The following ENDOD1 variants were observed in gnomAD, a reference collection of about 807,000 sequenced individuals.
ENDOD1 encodes the protein endonuclease domain-containing 1 protein.
In ENDOD1, 9 loss-of-function variants were observed where a neutral mutation model predicts 6.5. That is an observed-to-expected ratio of 1.39 (90% CI 0.84 to 2.43). The LOEUF is 2.43. Among genes scored for constraint, ENDOD1 ranks in the 30% most tolerant of loss-of-function variants. ENDOD1 has a pLI of 0.00. For synonymous variants in ENDOD1, 255 were observed against 255.2 expected (o/e 1.00, Z 0.01); for missense variants, 648 against 635.5 (o/e 1.02, Z -0.21).
chr11:95,129,178 G>A lies in ENDOD1; in HGVS notation c.1102G>A (p.Val368Met). 6.2e-7 allele frequency: 1 copy of A among 1,614,148 alleles called. No homozygotes were observed. Among genetic ancestry groups the A allele is most frequent in the Non-Finnish European group, 8.5e-7 (1 of 1,180,022 alleles). ...TTTCCTGTGGTGTGTTACCAAGCAG[G>A]TGATTAATGGCATAGAAAGTTGCCT... ...VYFLWCVTKQ[V>M]INGIESCLYR... is the part of the protein sequence containing the mutation. The change falls in exon 2 of 2, where the codon GTG (valine) becomes ATG (methionine). Residue 368 changes from valine to methionine, a missense_variant. Val to Met is a conservative substitution (Grantham distance 21). Transcript: ENST00000278505.
Position 95,090,221 on chromosome 11 carries a change from G to C in ENDOD1, c.294G>C (p.Glu98Asp). 4 of 1,382,840 alleles carry C rather than the reference G, an allele frequency of 2.9e-6. No individual in the cohort carries two copies. The highest frequency in any genetic ancestry group is 3.8e-6 in the Non-Finnish European group (4 of 1,056,848). The allele number at this position is 1,382,840 out of a possible 1,614,324, so 85.7% of individuals were successfully genotyped here. A position where few individuals can be genotyped will look rare whatever the true frequency, so the allele number is the denominator to read the frequency against. Residue 98 changes from glutamate to aspartate, a missense_variant, in exon 1 of 2, where the codon GAG becomes GAC. Coordinates refer to ENST00000278505, the MANE Select transcript of ENDOD1 (RefSeq NM_015036.3). Reference sequence around the variant, plus strand: ...GCGCCGAGCAGCGATGGCTGGTGGAGCCGCAGGTAAGCGAAGTGGTTCCCG... The same window carrying C: ...GCGCCGAGCAGCGATGGCTGGTGGACCCGCAGGTAAGCGAAGTGGTTCCCG... ...PGGAEQRWLV[E>D]PQIDDPNSNL...
At chr11:95,095,863 A>G (rs978624490) in intron 1 of ENDOD1, among the ~76,000 whole-genome samples, 2 of 152,216 alleles carry the variant, frequency 1.3e-5, no homozygotes, top group Non-Finnish European at 2.9e-5. Flanking sequence ...TTTATTCTCT[A>G]TCACACTATT....
At chr11:95,107,226 C>T (rs1311359534) in intron 1 of ENDOD1, among the ~76,000 whole-genome samples, 2 of 151,124 alleles carry the variant, frequency 1.3e-5, no homozygotes, top group Admixed American at 6.6e-5. Flanking sequence ...CCCAGCTACT[C>T]GGGAGGCTGA....
At chr11:95,103,610 C>T (rs570157211) in intron 1 of ENDOD1, among the ~76,000 whole-genome samples, 4 of 152,270 alleles carry the variant, frequency 2.6e-5, no homozygotes, top group African/African-American at 7.2e-5. Flanking sequence ...GATTGTTAGC[C>T]GCTAAGGGGC....
chr11:95,119,582 C>T (rs1859243067), intron 1 of ENDOD1, among the ~76,000 whole-genome samples: 1 of 152,216 alleles, frequency 6.6e-6, no homozygotes, highest in African/African-American at 2.4e-5. Context: ...ACCCCTGTGG[C>T]CACCACCGCT....
chr11:95,129,832 G>T lies in ENDOD1; in HGVS notation c.*253G>T. The T allele has an allele frequency of 2.2e-6, 1 of 452,914 alleles. No homozygotes were observed. The highest frequency in any genetic ancestry group is 4.0e-6 in the Non-Finnish European group (1 of 250,616). 28.1% of individuals were successfully genotyped at this position (452,914 alleles called of 1,614,324 possible). ...AACTCCCAAGCCACTAATAACTTCA[G>T]TTATGCACTCTAACACAGACGACCA... is the stretch of plus-strand genomic sequence containing the variant. On this transcript the variant is annotated 3_prime_UTR_variant, in exon 2 of 2. Coordinates refer to ENST00000278505, the MANE Select transcript of ENDOD1 (RefSeq NM_015036.3).
rs1555109722 is a variant in ENDOD1, at chr11:95,090,222, C to T, written c.295C>T (p.Pro99Ser). ...CGCCGAGCAGCGATGGCTGGTGGAG[C>T]CGCAGGTAAGCGAAGTGGTTCCCGA... is the stretch of plus-strand genomic sequence containing the variant. ...GGAEQRWLVE[P>S]QIDDPNSNLE... The change falls in exon 1 of 2, where the codon CCG becomes TCG. Residue 99 changes from proline (P) to serine (S), a missense_variant. Transcript: ENST00000278505. The T allele has an allele frequency of 8.7e-6, 12 of 1,381,072 alleles. No homozygotes were observed. Among genetic ancestry groups the T allele is most frequent in the Admixed American group, 5.9e-5 (2 of 33,962 alleles). The allele number at this position is 1,381,072 out of a possible 1,614,324, so 85.6% of individuals were successfully genotyped here. A position where few individuals can be genotyped will look rare whatever the true frequency, so the allele number is the denominator to read the frequency against.
rs146017380 is a variant in ENDOD1 at position 95,112,899 on chromosome 11, A to G, written c.301-15478A>G. Among the ~76,000 whole-genome samples the G allele has an allele frequency of 3.3e-4, 51 of 152,304 alleles. No individual in the cohort carries two copies. In the East Asian group the frequency reaches 8.3e-3, roughly 25 times the overall value. ...AATAGATGGTGACTTTATTGATGCG[A>G]AGGCCCATTTTGAGGCATATGAAAC... On this transcript the variant is annotated intron_variant, in intron 1 of 1. Transcript: ENST00000278505.
rs771571614 is a variant in ENDOD1, at chr11:95,128,520, C to T, written c.444C>T (p.Ser148=). The T allele has an allele frequency of 4.3e-6, 7 of 1,614,112 alleles. No individual in the cohort carries two copies. The East Asian group carries it at 1.3e-4, about 31-fold the overall frequency. The part of the protein sequence containing the change: ...DYQRGQLYPF[S]LSSDVQVATF... ...AAAGAGGACAGCTTTACCCATTCTC[C>T]CTTAGCAGTGATGTCCAGGTGGCCA... Residue 148 remains serine, a synonymous_variant, in exon 2 of 2, where the codon TCC becomes TCT. Transcript: ENST00000278505.
At chr11:95,099,608 C>G (rs1226302940) in intron 1 of ENDOD1, among the ~76,000 whole-genome samples, 1 of 152,240 alleles carries the variant, frequency 6.6e-6, no homozygotes, top group Non-Finnish European at 1.5e-5. Flanking sequence ...CCCAGTAATG[C>G]AGTAAGTCCT....
chr11:95,122,970 C>G (rs576525186), intron 1 of ENDOD1, among the ~76,000 whole-genome samples: 1 of 152,220 alleles, frequency 6.6e-6, no homozygotes, highest in South Asian at 2.1e-4. Flanking sequence ...GGGCAGATCA[C>G]TTGAGGTCAG....
At chr11:95,117,436 T>G (rs569957568) in intron 1 of ENDOD1, among the ~76,000 whole-genome samples, 1 of 152,302 alleles carries the variant, frequency 6.6e-6, no homozygotes, top group South Asian at 2.1e-4. Context: ...ATTATATATC[T>G]GGGTGCTCCC....
intron 1 of ENDOD1, among the ~76,000 whole-genome samples, chr11:95,125,078 A>T (rs866703677): frequency 9.3e-5 from 14 of 151,030 alleles, no homozygotes; most frequent in African/African-American, 4.9e-5. Context: ...TTCTCTGCTC[A>T]TTTTTTTAGG....
chr11:95,115,769 C>CT (rs1859202805), intron 1 of ENDOD1, among the ~76,000 whole-genome samples: 1 of 152,062 alleles, frequency 6.6e-6, no homozygotes, highest in African/African-American at 2.4e-5. Context: ...GTCCTTCATT[C>CT]TGTTGATATG....
intron 1 of ENDOD1, among the ~76,000 whole-genome samples, chr11:95,126,707 G>C (rs1859315139): frequency 6.6e-6 from 1 of 152,094 alleles, no homozygotes; most frequent in African/African-American, 2.4e-5. Flanking sequence ...TGAGATGGGG[G>C]TGTCACTGTG....
At position 95,129,734 on chromosome 11, in the gene ENDOD1, A is replaced by C; in HGVS notation, c.*155A>C. ...TGCAAAAGAAGATGGCAGAATTTAG[A>C]CTTGACAGAGGAGAAATGCTCAGGG... On this transcript the variant is annotated 3_prime_UTR_variant, in exon 2 of 2. Transcript: ENST00000278505. 2.7e-6 allele frequency: 2 copies of C among 750,110 alleles called. No homozygotes were observed. The highest frequency in any genetic ancestry group is 3.7e-5 in the South Asian group (2 of 53,794). The allele number at this position is 750,110 out of a possible 1,614,324, so 46.5% of individuals were successfully genotyped here.
chr11:95,103,499 C>T (rs973058947), intron 1 of ENDOD1, among the ~76,000 whole-genome samples: 2 of 152,124 alleles, frequency 1.3e-5, no homozygotes, highest in Admixed American at 1.3e-4. Flanking sequence ...TCCAAGATGT[C>T]GTCCTGGAAC....
chr11:95,093,874 T>C (rs1858955310), intron 1 of ENDOD1, among the ~76,000 whole-genome samples: 2 of 152,210 alleles, frequency 1.3e-5, no homozygotes, highest in African/African-American at 4.8e-5. Flanking sequence ...CAAATGATTT[T>C]GATCTCTGCT....
At chr11:95,093,036 G>A (rs640599) in intron 1 of ENDOD1, among the ~76,000 whole-genome samples, 147,115 of 152,326 alleles carry the variant, frequency 0.97, 71,074 homozygotes, top group East Asian at 1. Context: ...AGCCCAGTTC[G>A]GCAGCTTTTG....
Sources: gnomAD v4.1 joint callset for allele counts (sites outside exome capture counted in the v4.1 genomes callset) on GRCh38, gnomAD v4.1.1 for gene constraint, MANE v1.5 for transcripts, NCBI Gene and HGNC (gene_info 2026-07-23, HGNC 2026-07-21) for gene names.